PRIMPOL: variants seen among roughly 807,000 people sequenced by gnomAD.
PRIMPOL encodes primase and DNA directed polymerase, also known as DNA-directed primase/polymerase protein.
PRIMPOL carries 54 observed loss-of-function variants against 63.6 expected under a neutral mutation model. The ratio of observed to expected loss-of-function variants is 0.85; its 90% CI spans 0.68 to 1.07. PRIMPOL has a LOEUF of 1.07. PRIMPOL is among the 50% of genes least tolerant of loss of function. PRIMPOL has a pLI of 0.00. For synonymous variants in PRIMPOL, 197 were observed against 220.2 expected (o/e 0.89, Z 0.93); for missense variants, 610 against 648.3 (o/e 0.94, Z 0.64).
Position 184,657,240 on chromosome 4 carries a change from A to G in PRIMPOL, c.100A>G (p.Lys34Glu). The G allele has an allele frequency of 6.2e-7, 1 of 1,614,022 alleles. No homozygotes were observed. Among genetic ancestry groups the G allele is most frequent in the Non-Finnish European group, 8.5e-7 (1 of 1,179,958 alleles). ...CTCAGTGTATAGACCAAGATTGTCCAAGCCAGAAGAACCACCCTCCATCTG... is the reference window on the plus strand; with the variant it reads ...CTCAGTGTATAGACCAAGATTGTCCGAGCCAGAAGAACCACCCTCCATCTG... ...LSSVYRPRLSKPEEPPSIWRL... is the reference protein window; with the variant it reads ...LSSVYRPRLSEPEEPPSIWRL... Residue 34 changes from lysine to glutamate, a missense_variant, in exon 3 of 14, where the codon AAG becomes GAG. By Grantham distance (56) the Lys-to-Glu change is moderately conservative. This residue lies in a region of PRIMPOL where 159 missense variants were observed against 168.9 expected (regional missense o/e 0.94). Coordinates refer to ENST00000314970, the MANE Select transcript of PRIMPOL (RefSeq NM_152683.4).
chr4:184,668,582 AC>A (rs1459371835), intron 6 of PRIMPOL, among the ~76,000 whole-genome samples: 1 of 151,728 alleles, frequency 6.6e-6, no homozygotes, highest in Non-Finnish European at 1.5e-5. Flanking sequence ...TGCTGTCTAA[AC>A]CGTTGTGCCT....
At chr4:184,665,881 A>T in intron 5 of PRIMPOL, 36 bp from the exon 6 acceptor site, 1 of 1,430,462 alleles carries the variant, frequency 7.0e-7, no homozygotes, top group Non-Finnish European at 9.4e-7. Context: ...TTAAAACAAA[A>T]AATATAAATT....
At chr4:184,670,545 A>AT (rs57234973) in intron 6 of PRIMPOL, among the ~76,000 whole-genome samples, 1,799 of 136,662 alleles carry the variant, frequency 0.013, 40 homozygotes, top group African/African-American at 0.035. Context: ...TAGGAAAGTA[A>AT]TTTTTTTTTT....
chr4:184,665,950 G>A lies in PRIMPOL; in HGVS notation c.442G>A (p.Val148Ile), dbSNP rs1284993141. 3 of 1,608,368 alleles carry A rather than the reference G, an allele frequency of 1.9e-6. No individual in the cohort carries two copies. The highest frequency in any genetic ancestry group is 1.1e-5 in the South Asian group (1 of 90,210). Residue 148 changes from valine (V) to isoleucine (I), a missense_variant, in exon 6 of 14, where the codon GTT (valine) becomes ATT (isoleucine). By Grantham distance (29) the Val-to-Ile change is conservative. Coordinates refer to ENST00000314970, the MANE Select transcript of PRIMPOL (RefSeq NM_152683.4). ...TAAAGCACTTCAAGAGTTATACGGTGTTAATTGCTCAGCTGAAGATGTTTT... is the reference window on the plus strand; with the variant it reads ...TAAAGCACTTCAAGAGTTATACGGTATTAATTGCTCAGCTGAAGATGTTTT... Reference protein sequence around the residue: ...VCKALQELYGVNCSAEDVLNL... With the variant: ...VCKALQELYGINCSAEDVLNL...
At chr4:184,682,111 A>T in intron 8 of PRIMPOL, 137 bp from the exon 9 acceptor site, 1 of 513,288 alleles carries the variant, frequency 1.9e-6, no homozygotes. Context: ...AATGTGGCAT[A>T]AATGTCCTAG....
chr4:184,663,018 T>TTA (rs1748796698), intron 5 of PRIMPOL, among the ~76,000 whole-genome samples: 1 of 138,758 alleles, frequency 7.2e-6, no homozygotes, highest in African/African-American at 2.7e-5. Flanking sequence ...ATTTTAAACC[T>TTA]TTATTATTAT....
Position 184,671,296 on chromosome 4 carries a change from C to T in PRIMPOL, c.557-877C>T, listed in dbSNP as rs577130261. On this transcript the variant is annotated intron_variant, in intron 6 of 13. Transcript: ENST00000314970. ...CCTAGGGGCTGACGGCTGTGAGAGC[C>T]AGGGTTTGCAGGGCGTGTCGTGGCA... is the stretch of plus-strand genomic sequence containing the variant. Among the ~76,000 whole-genome samples the T allele has an allele frequency of 1.7e-4, 26 of 152,264 alleles. 1 individual carries two copies. The South Asian group carries it at 4.2e-3, about 24-fold the overall frequency.
chr4:184,693,957 C>G (rs1047100504), intron 13 of PRIMPOL, among the ~76,000 whole-genome samples: 8 of 152,312 alleles, frequency 5.3e-5, no homozygotes, highest in African/African-American at 1.9e-4. Context: ...GCACGTGCCA[C>G]TGCACTGAAT....
chr4:184,687,654 G>A (rs918561900), intron 11 of PRIMPOL, among the ~76,000 whole-genome samples: 41 of 151,986 alleles, frequency 2.7e-4, no homozygotes, highest in Non-Finnish European at 3.5e-4. Flanking sequence ...TGCTCTTGTC[G>A]CCCAGGCTGG....
chr4:184,659,244 T>C, intron 3 of PRIMPOL, 96 bp from the exon 4 acceptor site: 1 of 880,280 alleles, frequency 1.1e-6, no homozygotes, highest in South Asian at 1.5e-5. Context: ...TTCTGAAAAC[T>C]TGAATGAAAA....
At chr4:184,662,305 ATTTTC>A (rs1560964346) in intron 5 of PRIMPOL, among the ~76,000 whole-genome samples, 2 of 152,206 alleles carry the variant, frequency 1.3e-5, no homozygotes, top group Admixed American at 6.5e-5. Flanking sequence ...TAGTATTAGA[ATTTTC>A]AAGCTTGCAG....
intron 5 of PRIMPOL, among the ~76,000 whole-genome samples, chr4:184,663,992 C>T (rs1479885525): frequency 1.3e-5 from 2 of 152,196 alleles, no homozygotes; most frequent in Admixed American, 6.5e-5. Flanking sequence ...TAAACTGACA[C>T]ATTTCAATAA....
At chr4:184,657,995 AAAAT>A (rs58284286) in intron 3 of PRIMPOL, among the ~76,000 whole-genome samples, 3,674 of 134,978 alleles carry the variant, frequency 0.027, 139 homozygotes, top group African/African-American at 0.089. Flanking sequence ...CTCCATCTCA[AAAAT>A]AAATAAATAA....
chr4:184,661,984 T>A (rs980226334), intron 5 of PRIMPOL, 81 bp downstream of exon 5: 1 of 1,309,250 alleles, frequency 7.6e-7, no homozygotes, highest in African/African-American at 1.5e-5. Flanking sequence ...GCCTACATAA[T>A]AGTAGGTTCT....
At chr4:184,671,169 G>A (rs1170312260) in intron 6 of PRIMPOL, among the ~76,000 whole-genome samples, 2 of 152,254 alleles carry the variant, frequency 1.3e-5, no homozygotes, top group Admixed American at 1.3e-4. Flanking sequence ...TAGAATAAAT[G>A]TTGAAGTGCA....
chr4:184,668,748 C>T (rs1750766047), intron 6 of PRIMPOL, among the ~76,000 whole-genome samples: 1 of 152,164 alleles, frequency 6.6e-6, no homozygotes. Context: ...TTACCACTTC[C>T]TGAGGTCATT....
intron 3 of PRIMPOL, 89 bp from the exon 4 acceptor site, chr4:184,659,250 GA>G (rs1354271586): frequency 2.1e-6 from 2 of 944,322 alleles, no homozygotes; most frequent in African/African-American, 3.3e-5. Flanking sequence ...AAACTTGAAT[GA>G]AAAATTCTTT....
At chr4:184,676,331 C>CTTCCCTTCCCTTCCT (rs369905903) in intron 7 of PRIMPOL, among the ~76,000 whole-genome samples, 17 of 139,532 alleles carry the variant, frequency 1.2e-4, no homozygotes, top group African/African-American at 4.1e-4. Flanking sequence ...CTTTCCTTCC[C>CTTCCCTTCCCTTCCT]TTCCCTTCCT....
intron 7 of PRIMPOL, among the ~76,000 whole-genome samples, chr4:184,674,855 G>A (rs1020761624): frequency 7.2e-5 from 11 of 152,108 alleles, no homozygotes; most frequent in Admixed American, 2.0e-4. Context: ...CATCTGAAAC[G>A]GCGACAACAG....
Sources: gnomAD v4.1 joint callset for allele counts (sites outside exome capture counted in the v4.1 genomes callset) on GRCh38, gnomAD v4.1.1 for gene constraint, gnomAD v4.1.1 regional missense constraint, MANE v1.5 for transcripts, NCBI Gene and HGNC (gene_info 2026-07-23, HGNC 2026-07-21) for gene names.